GOLGA2: variants seen among roughly 807,000 people sequenced by gnomAD.
GOLGA2 encodes the protein golgin A2, also known as golgin subfamily A member 2.
GOLGA2 carries 49 observed loss-of-function variants against 148.8 expected under a neutral mutation model. That is an observed-to-expected ratio of 0.33 (90% CI 0.26 to 0.42). The LOEUF (loss-of-function observed/expected upper bound fraction) is 0.42. Among genes scored for constraint, GOLGA2 ranks in the 10% least tolerant of loss-of-function variants. The pLI is 1.00. For synonymous variants in GOLGA2, 501 were observed against 511.8 expected (o/e 0.98, Z 0.28); for missense variants, 1,178 against 1,304.6 (o/e 0.90, Z 1.49).
chr9:128,275,524 C>T, intron 1 of GOLGA2: 1 of 1,301,046 alleles, frequency 7.7e-7, no homozygotes, highest in Non-Finnish European at 9.8e-7. Flanking sequence ...AGCGGGGGGC[C>T]CCGGGAGTCA....
chr9:128,268,629 G>C, intron 3 of GOLGA2, 105 bp from the exon 4 acceptor site: 1 of 669,558 alleles, frequency 1.5e-6, no homozygotes, highest in Non-Finnish European at 2.7e-6. Flanking sequence ...GCTGCAGTCA[G>C]AGTGACAGTC....
In GOLGA2 at chr9:128,260,783, C is replaced by T. The variant is rs768981277; in HGVS notation, c.1440G>A (p.Glu480=). ...CCACCTCGGAGGGCCCTGCTGGGGG[C>T]TCTGGGGGCGGGGGTTCAGCTGAGA... The part of the protein sequence containing the change: ...RNQMAEPPPP[E]PPAGPSEVEQ... The change falls in exon 18 of 27, where the codon GAG becomes GAA. Residue 480 remains glutamate, a synonymous_variant. Transcript: ENST00000611957. The surrounding 1 kb of genome is among the most constrained non-coding windows in gnomAD (Gnocchi z 4.8). The T allele has an allele frequency of 1.4e-5, 22 of 1,608,192 alleles. No individual in the cohort carries two copies. The highest frequency in any genetic ancestry group is 1.8e-4 in the Middle Eastern group (1 of 5,632).
rs779736665 is a variant in GOLGA2, at chr9:128,258,465, C to T, written c.2279G>A (p.Arg760Gln). ...MPSIPEDLES[R>Q]EAMVAFFNSA... Reference sequence around the variant, plus strand: ...GGGAGTCAGCCTCACCATGGCTTCCCGGCTCTCCAGGTCCTCCGGGATGCT... The same window carrying T: ...GGGAGTCAGCCTCACCATGGCTTCCTGGCTCTCCAGGTCCTCCGGGATGCT... Residue 760 changes from arginine to glutamine, a missense_variant, in exon 22 of 27, where the codon CGG becomes CAG. Coordinates refer to ENST00000611957, the MANE Select transcript of GOLGA2 (RefSeq NM_001366244.2). This position sits in a 1 kb window ranked among gnomAD's most constrained non-coding sequence, Gnocchi z 6.6. 2.1e-5 allele frequency: 34 copies of T among 1,612,832 alleles called. No homozygotes were observed. The highest frequency in any genetic ancestry group is 2.5e-5 in the Non-Finnish European group (30 of 1,179,502).
In GOLGA2 at chr9:128,259,206, C is replaced by T. The variant is rs772411440; in HGVS notation, c.2058G>A (p.Ala686=). 1.3e-5 allele frequency: 20 copies of T among 1,587,222 alleles called. No individual in the cohort carries two copies. The East Asian group carries it at 2.5e-4, about 19-fold the overall frequency. Residue 686 remains alanine, a synonymous_variant, in exon 20 of 27, where the codon GCG becomes GCA. Coordinates refer to ENST00000611957, the MANE Select transcript of GOLGA2 (RefSeq NM_001366244.2). ...QLQQQEAQGK[A]VAEMARQELQ... ...ACTCTTGGCGGGCCATCTCGGCCACCGCTTTGCCCTGAGCTTCCTGCTGCT... is the reference window on the plus strand; with the variant it reads ...ACTCTTGGCGGGCCATCTCGGCCACTGCTTTGCCCTGAGCTTCCTGCTGCT...
rs73672481 is a variant in GOLGA2, at chr9:128,266,723, G to T, written c.643-398C>A. On this transcript the variant is annotated intron_variant, in intron 8 of 26. Coordinates refer to ENST00000611957, the MANE Select transcript of GOLGA2 (RefSeq NM_001366244.2). This position sits in a 1 kb window ranked among gnomAD's most constrained non-coding sequence, Gnocchi z 4.2. ...ACCAGACAGAAAAAGACAGACAGGA[G>T]CCCTTGGCCCTGAGGTTTACATTCT... The T allele has an allele frequency of 2.0e-3, 718 of 358,898 alleles. 5 individuals are homozygous for T. The highest frequency in any genetic ancestry group is 0.014 in the African/African-American group (669 of 47,120). 22.2% of individuals were successfully genotyped at this position (358,898 alleles called of 1,614,324 possible).
chr9:128,266,198 G>T lies in GOLGA2; in HGVS notation c.681+89C>A. On this transcript the variant is annotated intron_variant, in intron 9 of 26. Transcript: ENST00000611957. The surrounding 1 kb of genome is among the most constrained non-coding windows in gnomAD (Gnocchi z 4.2). Reference sequence around the variant, plus strand: ...GGGTGAGCCTTCTTCCCCAGGCTGGGAGTGGGTGAGACGAGACTGAGGCCT... The same window carrying T: ...GGGTGAGCCTTCTTCCCCAGGCTGGTAGTGGGTGAGACGAGACTGAGGCCT... The T allele has an allele frequency of 7.3e-7, 1 of 1,377,326 alleles. No homozygotes were observed. 85.3% of individuals were successfully genotyped at this position (1,377,326 alleles called of 1,614,324 possible).
At chr9:128,273,300 C>T (rs953176220) in intron 2 of GOLGA2, among the ~76,000 whole-genome samples, 2 of 152,228 alleles carry the variant, frequency 1.3e-5, no homozygotes, top group Non-Finnish European at 2.9e-5. Context: ...TCCAATGTCA[C>T]CTCACAGAGG....
chr9:128,260,692 G>T lies in GOLGA2; in HGVS notation c.1531C>A (p.Gln511Lys). The T allele has an allele frequency of 6.2e-7, 1 of 1,613,476 alleles. No homozygotes were observed. Residue 511 changes from glutamine (Q) to lysine (K), a missense_variant, in exon 18 of 27, where the codon CAA becomes AAA. By Grantham distance (53) the Gln-to-Lys change is moderately conservative. Transcript: ENST00000611957. This position sits in a 1 kb window ranked among gnomAD's most constrained non-coding sequence, Gnocchi z 4.8. ...CCCTCATTGTCTTGCACCTGGGCTT[G>T]AAGCTGTCCTGCCAGACCCTCCAGC... ...KELEGLAGQL[Q>K]AQVQDNEGLS...
chr9:128,258,290 G>C lies in GOLGA2; in HGVS notation c.2290-92C>G. The C allele has an allele frequency of 8.6e-7, 1 of 1,164,292 alleles. No homozygotes were observed. Among genetic ancestry groups the C allele is most frequent in the Non-Finnish European group, 1.2e-6 (1 of 804,212 alleles). 72.1% of individuals were successfully genotyped at this position (1,164,292 alleles called of 1,614,324 possible). A position where few individuals can be genotyped will look rare whatever the true frequency, so the allele number is the denominator to read the frequency against. Reference sequence around the variant, plus strand: ...GCAGCCCTTCCCTTGGGGCCTCAGAGGGTGCACTTGTTGGTCCCAAGTGAA... The same window carrying C: ...GCAGCCCTTCCCTTGGGGCCTCAGACGGTGCACTTGTTGGTCCCAAGTGAA... On this transcript the variant is annotated intron_variant, in intron 22 of 26. Transcript: ENST00000611957. This position sits in a 1 kb window ranked among gnomAD's most constrained non-coding sequence, Gnocchi z 6.6.
In GOLGA2 at chr9:128,260,867, C is replaced by A. The variant is rs1830230588; in HGVS notation, c.1421-65G>T. 1.7e-6 allele frequency: 2 copies of A among 1,143,600 alleles called. No homozygotes were observed. The highest frequency in any genetic ancestry group is 1.5e-5 in the African/African-American group (1 of 65,016). The allele number at this position is 1,143,600 out of a possible 1,614,324, so 70.8% of individuals were successfully genotyped here. On this transcript the variant is annotated intron_variant, in intron 17 of 26. Transcript: ENST00000611957. The surrounding 1 kb of genome is among the most constrained non-coding windows in gnomAD (Gnocchi z 4.8). Reference sequence around the variant, plus strand: ...AAAAAAACCCTCCTCTTGGTCCATACCTCCTCTCAAGCTCCCCAAACTTGG... The same window carrying A: ...AAAAAAACCCTCCTCTTGGTCCATAACTCCTCTCAAGCTCCCCAAACTTGG...
chr9:128,275,962 G>A lies in GOLGA2; in HGVS notation c.15C>T (p.Pro5=), dbSNP rs201786952. The A allele has an allele frequency of 3.9e-5, 62 of 1,596,360 alleles. No homozygotes were observed. In the East Asian group the frequency reaches 4.1e-4, roughly 10 times the overall value. Reference sequence around the variant, plus strand: ...ACATCGCGGGGCGGGGAGGGAGGCGGGGTTGGGGCCACATCAGCGCGATCC... The same window carrying A: ...ACATCGCGGGGCGGGGAGGGAGGCGAGGTTGGGGCCACATCAGCGCGATCC... MWPQ[P]RLPPRPAMSE... The change falls in exon 1 of 27, where the codon CCC becomes CCT. Residue 5 remains proline, a synonymous_variant. Coordinates refer to ENST00000611957, the MANE Select transcript of GOLGA2 (RefSeq NM_001366244.2).
chr9:128,262,427 G>T (rs1365064057), intron 14 of GOLGA2, 136 bp downstream of exon 14: 9 of 690,354 alleles, frequency 1.3e-5, no homozygotes, highest in South Asian at 9.6e-5. Flanking sequence ...CTCTCTAGAG[G>T]ATTTTATGCC....
chr9:128,258,655 C>G lies in GOLGA2; in HGVS notation c.2174-85G>C. ...CTGCCCCCACCCTCACTGTGTAACC[C>G]TGGGCCAGCCCCTCCCCAGAGGGAA... is the stretch of plus-strand genomic sequence containing the variant. On this transcript the variant is annotated intron_variant, in intron 21 of 26. Coordinates refer to ENST00000611957, the MANE Select transcript of GOLGA2 (RefSeq NM_001366244.2). The surrounding 1 kb of genome is among the most constrained non-coding windows in gnomAD (Gnocchi z 6.6). 1.1e-6 allele frequency: 1 copy of G among 936,596 alleles called. No homozygotes were observed. The highest frequency in any genetic ancestry group is 1.6e-6 in the Non-Finnish European group (1 of 621,644). 58.0% of individuals were successfully genotyped at this position (936,596 alleles called of 1,614,324 possible).
rs999560998 is a variant in GOLGA2 at position 128,271,998 on chromosome 9, T to C, written c.288+787A>G. 1.3e-5 allele frequency among the ~76,000 whole-genome samples: 2 copies of C among 151,882 alleles called. No individual in the cohort carries two copies. The highest frequency in any genetic ancestry group is 1.3e-4 in the Admixed American group (2 of 15,246). On this transcript the variant is annotated intron_variant, in intron 3 of 26. Coordinates refer to ENST00000611957, the MANE Select transcript of GOLGA2 (RefSeq NM_001366244.2). The surrounding 1 kb of genome is among the most constrained non-coding windows in gnomAD (Gnocchi z 4.4). Reference sequence around the variant, plus strand: ...AACTATAATGTGAACTCATTTTCTTTTAACCCTTTGTTCCCTACTCTTAAA... The same window carrying C: ...AACTATAATGTGAACTCATTTTCTTCTAACCCTTTGTTCCCTACTCTTAAA...
intron 1 of GOLGA2, chr9:128,275,618 A>C (rs1724267175): frequency 1.2e-6 from 1 of 803,922 alleles, no homozygotes; most frequent in South Asian, 2.3e-5. Context: ...GAGCCCAGGG[A>C]GGTCGGACTT....
chr9:128,275,266 G>T, intron 1 of GOLGA2: 1 of 632,240 alleles, frequency 1.6e-6, no homozygotes, highest in South Asian at 2.4e-5. Context: ...ACCAGAAGCG[G>T]GATGAGAACA....
In GOLGA2 at chr9:128,257,545, G is replaced by A. The variant is rs761142087; in HGVS notation, c.2719-20C>T. The A allele has an allele frequency of 6.2e-7, 1 of 1,614,056 alleles. No homozygotes were observed. Among genetic ancestry groups the A allele is most frequent in the South Asian group, 1.1e-5 (1 of 91,078 alleles). On this transcript the variant is annotated intron_variant, in intron 25 of 26. Coordinates refer to ENST00000611957, the MANE Select transcript of GOLGA2 (RefSeq NM_001366244.2). The surrounding 1 kb of genome is among the most constrained non-coding windows in gnomAD (Gnocchi z 8.0). ...CTTCACCTGGAGGGAGGGGTGCTAA[G>A]CTGCCATGCCCATGCCCGTGCCCAC...
chr9:128,260,547 C>A lies in GOLGA2; in HGVS notation c.1676G>T (p.Arg559Leu). The A allele has an allele frequency of 6.2e-7, 1 of 1,613,056 alleles. No individual in the cohort carries two copies. Among genetic ancestry groups the A allele is most frequent in the Non-Finnish European group, 8.5e-7 (1 of 1,179,998 alleles). Residue 559 changes from arginine (R) to leucine (L), a missense_variant, in exon 18 of 27, where the codon CGC (arginine) becomes CTC (leucine). Arg to Leu is a moderately radical substitution (Grantham distance 102, BLOSUM62 -2). Coordinates refer to ENST00000611957, the MANE Select transcript of GOLGA2 (RefSeq NM_001366244.2). This position sits in a 1 kb window ranked among gnomAD's most constrained non-coding sequence, Gnocchi z 4.8. ...RQILETMQND[R>L]TTISRALSQN... The stretch of plus-strand genomic sequence containing the variant: ...GGAGAGTGCGCGGCTGATGGTAGTG[C>A]GGTCGTTCTGCATGGTCTCCAGGAT...
rs1455386914 is a variant in GOLGA2 at position 128,260,492 on chromosome 9, A to C, written c.1731T>G (p.Ala577=). The C allele has an allele frequency of 1.2e-6, 2 of 1,612,074 alleles. No individual in the cohort carries two copies. Among genetic ancestry groups the C allele is most frequent in the East Asian group, 2.2e-5 (1 of 44,836 alleles). Residue 577 remains alanine (A), a synonymous_variant, in exon 18 of 27, where the codon GCT becomes GCG. Coordinates refer to ENST00000611957, the MANE Select transcript of GOLGA2 (RefSeq NM_001366244.2). The surrounding 1 kb of genome is among the most constrained non-coding windows in gnomAD (Gnocchi z 4.8). ...GCTTTACAAATCCGCTCTGCAGCTC[A>C]GCCAGCTGCTCCTTGAGCTCCCGGT... ...SQNRELKEQL[A]ELQSGFVKLT... is the part of the protein sequence containing the mutation.
Sources: gnomAD v4.1 joint callset for allele counts (sites outside exome capture counted in the v4.1 genomes callset) on GRCh38, gnomAD v4.1.1 for gene constraint, Gnocchi (gnomAD v3.1) non-coding constraint, MANE v1.5 for transcripts, NCBI Gene and HGNC (gene_info 2026-07-23, HGNC 2026-07-21) for gene names.